Variants in KLK7 observed in about 807,000 individuals in gnomAD.
KLK7 encodes the protein kallikrein related peptidase 7.
KLK7 carries 17 observed loss-of-function variants against 21.0 expected under a neutral mutation model. That is an observed-to-expected ratio of 0.81 (90% CI 0.55 to 1.21). KLK7 has a LOEUF of 1.21. Among genes scored for constraint, KLK7 ranks in the 50% most tolerant of loss-of-function variants. The probability of loss-of-function intolerance (pLI) is 0.00; values close to 1 mark genes in which losing one functional copy is unlikely to be tolerated. For missense variants in KLK7, 330 were observed against 322.8 expected (o/e 1.02, Z -0.17); for synonymous variants, 151 against 134.6 (o/e 1.12, Z -0.85).
chr19:50,981,718 G>T (rs755208221), intron 3 of KLK7, 49 bp downstream of exon 3: 2 of 1,507,466 alleles, frequency 1.3e-6, no homozygotes, highest in Non-Finnish European at 1.8e-6. Flanking sequence ...CCCCCATAGC[G>T]AGCTGGAGAC....
intron 1 of KLK7, among the ~76,000 whole-genome samples, chr19:50,982,853 T>C (rs1287073982): frequency 1.6e-4 from 10 of 64,180 alleles, no homozygotes; most frequent in Middle Eastern, 0.014. Context: ...CAGGTCCAAG[T>C]CCCTCCTCCC....
rs746141189 is a variant in KLK7 at position 50,980,321 on chromosome 19, T to C, written c.388A>G (p.Lys130Glu). 4 of 1,613,986 alleles carry C rather than the reference T, an allele frequency of 2.5e-6. No individual in the cohort carries two copies. The highest frequency in any genetic ancestry group is 3.4e-6 in the Non-Finnish European group (4 of 1,179,944). The part of the protein sequence containing the change: ...SQARLSSMVK[K>E]VRLPSRCEPP... ...TCGCAGCGGGAGGGCAGCCTGACTT[T>C]CTTCACCATGGATGACAGCCTGGCC... The change falls in exon 4 of 6, where the codon AAA becomes GAA. Residue 130 changes from lysine (K) to glutamate (E), a missense_variant. Coordinates refer to ENST00000595820, the MANE Select transcript of KLK7 (RefSeq NM_005046.4).
upstream of KLK7, chr19:50,984,035 A>T (rs545223246): frequency 2.1e-3 from 1,506 of 721,162 alleles, 4 homozygotes; most frequent in Non-Finnish European, 2.8e-3. Flanking sequence ...GGTTCTGGTT[A>T]TCTGGAACCC....
chr19:50,982,849 C>T (rs1375886148), intron 1 of KLK7, among the ~76,000 whole-genome samples: 3 of 115,554 alleles, frequency 2.6e-5, no homozygotes, highest in East Asian at 2.8e-4. Flanking sequence ...AGTCCAGGTC[C>T]AAGTCCCTCC....
rs746768632 is a variant in KLK7 at position 50,980,337 on chromosome 19, C to T, written c.372G>A (p.Leu124=). The T allele has an allele frequency of 1.9e-6, 3 of 1,613,932 alleles. No individual in the cohort carries two copies. The highest frequency in any genetic ancestry group is 2.7e-5 in the African/African-American group (2 of 74,878). Residue 124 remains leucine, a synonymous_variant, in exon 4 of 6, where the codon CTG becomes CTA. Coordinates refer to ENST00000595820, the MANE Select transcript of KLK7 (RefSeq NM_005046.4). The part of the protein sequence containing the change: ...MLVKLNSQAR[L]SSMVKKVRLP... ...GCCTGACTTTCTTCACCATGGATGA[C>T]AGCCTGGCCTGGCTATTGAGCTTCA...
chr19:50,980,590 G>A (rs573258861), intron 3 of KLK7, 103 bp from the exon 4 acceptor site: 20 of 1,399,268 alleles, frequency 1.4e-5, no homozygotes, highest in Non-Finnish European at 1.9e-5. Context: ...AGAGAGGAGG[G>A]GGGACAGAGA....
chr19:50,977,515 GTTAA>G lies in KLK7; in HGVS notation c.*17_*20del. ...GTGCATTTTCTGTTGGAAGCACACAGTTAATTAACTCAGTGTGGCGTTAGCGATG... is the reference window on the plus strand; with the variant it reads ...GTGCATTTTCTGTTGGAAGCACACAGTTAACTCAGTGTGGCGTTAGCGATG... On this transcript the variant is annotated 3_prime_UTR_variant, in exon 6 of 6. Transcript: ENST00000595820. The G allele has an allele frequency of 6.2e-7, 1 of 1,610,966 alleles. No homozygotes were observed. The highest frequency in any genetic ancestry group is 8.5e-7 in the Non-Finnish European group (1 of 1,177,354).
chr19:50,981,449 G>A (rs1490131489), intron 3 of KLK7, among the ~76,000 whole-genome samples: 1 of 101,284 alleles, frequency 9.9e-6, no homozygotes, highest in Middle Eastern at 8.5e-3. Context: ...GGGGGACAGA[G>A]ACCAGAGAGA....
chr19:50,977,909 C>T (rs755615888), intron 5 of KLK7, among the ~76,000 whole-genome samples: 1 of 152,062 alleles, frequency 6.6e-6, no homozygotes, highest in Admixed American at 6.6e-5. Flanking sequence ...CCAATGAGAC[C>T]AATTGCAGAG....
rs528282329 is a variant in KLK7, at chr19:50,980,241, A to T, written c.468T>A (p.Asp156Glu). ...VSGWGTTTSP[D>E]VTFPSDLMCV... is the part of the protein sequence containing the mutation. ...TCCTGGGTCACTGAGGCCACCTACC[A>T]TCTGGGCTCGTGGTAGTGCCCCAGC... is the stretch of plus-strand genomic sequence containing the variant. The change falls in exon 4 of 6, where the codon GAT becomes GAA. Residue 156 changes from aspartate to glutamate, a missense_variant and splice_region_variant. Asp to Glu is a conservative substitution (Grantham distance 45). Coordinates refer to ENST00000595820, the MANE Select transcript of KLK7 (RefSeq NM_005046.4). The T allele has an allele frequency of 1.4e-5, 22 of 1,613,688 alleles. No individual in the cohort carries two copies. In the African/African-American group the frequency reaches 2.3e-4, roughly 17 times the overall value.
intron 2 of KLK7, 122 bp downstream of exon 2, chr19:50,982,205 G>T (rs964526266): frequency 7.5e-7 from 1 of 1,324,790 alleles, no homozygotes; most frequent in African/African-American, 1.5e-5. Context: ...GGCTTCAGCC[G>T]ACAGTCTGGT....
rs761772377 is a variant in KLK7, at chr19:50,980,353, T to C, written c.356A>G (p.Asn119Ser). 12 of 1,614,036 alleles carry C rather than the reference T, an allele frequency of 7.4e-6. No homozygotes were observed. In the Middle Eastern group the frequency reaches 1.2e-3, roughly 155 times the overall value. The change falls in exon 4 of 6, where the codon AAT (asparagine) becomes AGT (serine). Residue 119 changes from asparagine to serine, a missense_variant. Transcript: ENST00000595820. ...HVNDLMLVKL[N>S]SQARLSSMVK... The stretch of plus-strand genomic sequence containing the variant: ...CATGGATGACAGCCTGGCCTGGCTA[T>C]TGAGCTTCACGAGCATGAGGTCATT...
chr19:50,978,024 T>TG (rs776240036), intron 5 of KLK7, among the ~76,000 whole-genome samples: 25 of 152,134 alleles, frequency 1.6e-4, no homozygotes, highest in Non-Finnish European at 3.1e-4. Flanking sequence ...GGTGGATGCG[T>TG]GCCCTGTGGC....
rs1321134550 is a variant in KLK7, at chr19:50,981,855, C to T, written c.133G>A (p.Val45Met). 1 of 1,611,678 alleles carries T rather than the reference C, an allele frequency of 6.2e-7. No individual in the cohort carries two copies. ...AGCTGATTGCCACTGAGCAGGGCCA[C>T]CTGCCATGGGTGGGAGCCTCTTGCA... is the stretch of plus-strand genomic sequence containing the variant. ...PCARGSHPWQ[V>M]ALLSGNQLHC... Residue 45 changes from valine (V) to methionine (M), a missense_variant, in exon 3 of 6, where the codon GTG becomes ATG. Transcript: ENST00000595820.
rs1331710914 is a variant in KLK7, at chr19:50,979,909, T to A, written c.485A>T (p.Asp162Val). The change falls in exon 5 of 6, where the codon GAC (aspartate) becomes GTC (valine). Residue 162 changes from aspartate (D) to valine (V), a missense_variant. Asp to Val is a radical substitution (Grantham distance 152). Coordinates refer to ENST00000595820, the MANE Select transcript of KLK7 (RefSeq NM_005046.4). ...TTSPDVTFPS[D>V]LMCVDVKLIS... ...GAGCTTGACATCCACGCACATGAGGTCAGAGGGAAAGGTCACTGCAGGGAG... is the reference window on the plus strand; with the variant it reads ...GAGCTTGACATCCACGCACATGAGGACAGAGGGAAAGGTCACTGCAGGGAG... The A allele has an allele frequency of 4.4e-6, 7 of 1,595,542 alleles. No homozygotes were observed.
chr19:50,982,620 C>A (rs1348874799), intron 1 of KLK7, among the ~76,000 whole-genome samples, 163 bp from the exon 2 acceptor site: 1 of 135,944 alleles, frequency 7.4e-6, no homozygotes, highest in African/African-American at 2.6e-5. Flanking sequence ...CCTAGGGGTC[C>A]AGAACCCCAG....
rs1396259559 is a variant in KLK7 at position 50,977,068 on chromosome 19, C to T, written c.*468G>A. On this transcript the variant is annotated 3_prime_UTR_variant, in exon 6 of 6. Coordinates refer to ENST00000595820, the MANE Select transcript of KLK7 (RefSeq NM_005046.4). The stretch of plus-strand genomic sequence containing the variant: ...AGAAAAAAAACATCGTTGTGCCAAG[C>T]CAGACTATTATTTAAGCCATCTGGT... 6.5e-6 allele frequency: 1 copy of T among 153,940 alleles called. No homozygotes were observed. The highest frequency in any genetic ancestry group is 1.4e-5 in the Non-Finnish European group (1 of 69,248). 9.5% of individuals were successfully genotyped at this position (153,940 alleles called of 1,614,324 possible).
In KLK7 at chr19:50,977,593, G is replaced by A. The variant is rs750203731; in HGVS notation, c.705C>T (p.Tyr235=). The part of the protein sequence containing the change: ...PCGQPNDPGV[Y]TQVCKFTKWI... ...ACTTGGTGAACTTGCACACTTGAGT[G>A]TAGACTCCTGGGTCATTGGGTTGGC... is the stretch of plus-strand genomic sequence containing the variant. Residue 235 remains tyrosine, a synonymous_variant, in exon 6 of 6, where the codon TAC becomes TAT. Coordinates refer to ENST00000595820, the MANE Select transcript of KLK7 (RefSeq NM_005046.4). 17 of 1,613,814 alleles carry A rather than the reference G, an allele frequency of 1.1e-5. No homozygotes were observed. The highest frequency in any genetic ancestry group is 6.7e-5 in the East Asian group (3 of 44,902).
At position 50,982,334 on chromosome 19, in the gene KLK7, T is replaced by C. The variant is rs201449530; in HGVS notation, c.66A>G (p.Gly22=). 2.1e-4 allele frequency: 334 copies of C among 1,610,086 alleles called. 2 individuals carry two copies. In the Admixed American group the frequency reaches 2.9e-3, roughly 14 times the overall value. ...LLLSLALETA[G]EEAQGDKIID... is the part of the protein sequence containing the mutation. ...TCCCAGTCCAGCTTTCACCTTCTTCTCCTGCAGTTTCCAAGGCTAAGGATA... is the reference window on the plus strand; with the variant it reads ...TCCCAGTCCAGCTTTCACCTTCTTCCCCTGCAGTTTCCAAGGCTAAGGATA... The change falls in exon 2 of 6, where the codon GGA becomes GGG. Residue 22 remains glycine, a synonymous_variant. Coordinates refer to ENST00000595820, the MANE Select transcript of KLK7 (RefSeq NM_005046.4).
Sources: allele counts gnomAD v4.1 joint callset (sites outside exome capture counted in the v4.1 genomes callset), GRCh38; gene constraint gnomAD v4.1.1; transcripts MANE v1.5; gene names NCBI Gene and HGNC (gene_info 2026-07-23, HGNC 2026-07-21).